OPCML: variants seen among roughly 807,000 people sequenced by gnomAD.
OPCML encodes the protein opioid binding protein/cell adhesion molecule like.
In OPCML, 13 loss-of-function variants were observed where a neutral mutation model predicts 37.8. That is an observed-to-expected ratio of 0.34 (90% CI 0.22 to 0.55). OPCML has a LOEUF of 0.55. Among genes scored for constraint, OPCML ranks in the 20% least tolerant of loss-of-function variants. The pLI is 0.91. For synonymous variants in OPCML, 176 were observed against 168.8 expected (o/e 1.04, Z -0.33); for missense variants, 341 against 435.6 (o/e 0.78, Z 1.93).
At chr11:133,414,955 G>A (rs1945728456) in intron 1 of OPCML, among the ~76,000 whole-genome samples, 1 of 152,224 alleles carries the variant, frequency 6.6e-6, no homozygotes. Context: ...GTGGTGCCCA[G>A]CACAGGGGAA....
Position 132,964,933 on chromosome 11 carries a change from T to C in OPCML, c.62-21923A>G, listed in dbSNP as rs1366957277. ...ACTGGTGGATTCAGACCTAGGTCAT[T>C]TACTTCAAATCTCTGCATTCCTTAT... On this transcript the variant is annotated intron_variant, in intron 1 of 7. Coordinates refer to ENST00000524381, the MANE Select transcript of OPCML (RefSeq NM_001012393.5). Among the ~76,000 whole-genome samples the C allele has an allele frequency of 2.6e-5, 4 of 152,212 alleles. No homozygotes were observed. The East Asian group carries it at 7.7e-4, about 29-fold the overall frequency.
At chr11:132,681,705 C>T (rs1035784499) in intron 2 of OPCML, among the ~76,000 whole-genome samples, 4 of 152,252 alleles carry the variant, frequency 2.6e-5, no homozygotes, top group Non-Finnish European at 5.9e-5. Flanking sequence ...CCTGTAATCC[C>T]AGCACTTTGG....
At chr11:132,981,549 C>T (rs1241205067) in intron 1 of OPCML, among the ~76,000 whole-genome samples, 3 of 152,058 alleles carry the variant, frequency 2.0e-5, no homozygotes, top group Non-Finnish European at 2.9e-5. Context: ...AACCACCGCA[C>T]GTTTATAAAC....
intron 1 of OPCML, among the ~76,000 whole-genome samples, chr11:133,244,461 G>A (rs1056208579): frequency 6.6e-6 from 1 of 152,058 alleles, no homozygotes; most frequent in Non-Finnish European, 1.5e-5. Context: ...GTGTGTTCCC[G>A]AACACACGGG....
intron 1 of OPCML, among the ~76,000 whole-genome samples, chr11:133,242,963 A>G (rs1940784461): frequency 6.6e-6 from 1 of 152,272 alleles, no homozygotes; most frequent in South Asian, 2.1e-4. Flanking sequence ...ATCAGGCAGT[A>G]CAATGAAAAC....
intron 2 of OPCML, among the ~76,000 whole-genome samples, chr11:132,855,755 GAGCCTCA>G (rs1426141601): frequency 6.6e-6 from 1 of 152,170 alleles, no homozygotes; most frequent in East Asian, 1.9e-4. Flanking sequence ...CAGGATTCCT[GAGCCTCA>G]GAAATTGTGA....
chr11:133,082,216 C>G (rs1483261777), intron 1 of OPCML, among the ~76,000 whole-genome samples: 1 of 151,708 alleles, frequency 6.6e-6, no homozygotes, highest in African/African-American at 2.4e-5. Context: ...CGCGTCCGCA[C>G]GACCCGGGGT....
rs192921711 is a variant in OPCML, at chr11:132,874,002, C to T, written c.146+68924G>A. ...AGTAGCTGAAGAAATAAATCGTTAC[C>T]CTGTCACACTGGATCAGGTGCCTGC... On this transcript the variant is annotated intron_variant, in intron 2 of 7. Transcript: ENST00000524381. Among the ~76,000 whole-genome samples, 78 of 152,180 alleles carry T rather than the reference C, an allele frequency of 5.1e-4. No homozygotes were observed. In the East Asian group the frequency reaches 0.015, roughly 28 times the overall value.
intron 2 of OPCML, among the ~76,000 whole-genome samples, chr11:132,737,344 A>G (rs1945292695): frequency 6.6e-6 from 1 of 152,208 alleles, no homozygotes; most frequent in Admixed American, 6.5e-5. Flanking sequence ...TTTTACAAAT[A>G]TAATAGCAGT....
At chr11:133,386,556 A>T (rs1171087010) in intron 1 of OPCML, among the ~76,000 whole-genome samples, 1 of 152,218 alleles carries the variant, frequency 6.6e-6, no homozygotes, top group African/African-American at 2.4e-5. Context: ...GAACAAAGAC[A>T]TGGGTCCCTC....
intron 2 of OPCML, among the ~76,000 whole-genome samples, chr11:132,750,883 G>A (rs1049201845): frequency 8.6e-5 from 13 of 151,698 alleles, no homozygotes; most frequent in African/African-American, 2.9e-4. Context: ...TTCCACCAAA[G>A]GCATTCCAGG....
At chr11:132,855,794 G>A (rs971166695) in intron 2 of OPCML, among the ~76,000 whole-genome samples, 24 of 152,164 alleles carry the variant, frequency 1.6e-4, no homozygotes, top group African/African-American at 5.8e-4. Flanking sequence ...GCTTTATGCT[G>A]TTGTGTTTAG....
chr11:133,494,022 A>T (rs1287560975), intron 1 of OPCML, among the ~76,000 whole-genome samples: 2 of 152,134 alleles, frequency 1.3e-5, no homozygotes, highest in Non-Finnish European at 2.9e-5. Flanking sequence ...CAAAAAAAAA[A>T]AACACACAAC....
At chr11:132,845,056 T>C (rs918251320) in intron 2 of OPCML, among the ~76,000 whole-genome samples, 16 of 151,674 alleles carry the variant, frequency 1.1e-4, no homozygotes, top group African/African-American at 3.9e-4. Flanking sequence ...AATACACACC[T>C]CTTTAATTCC....
At chr11:132,973,189 A>G (rs1946380819) in intron 1 of OPCML, among the ~76,000 whole-genome samples, 1 of 152,164 alleles carries the variant, frequency 6.6e-6, no homozygotes, top group East Asian at 1.9e-4. Context: ...AGATTTTAAG[A>G]CAAATGTCCT....
intron 2 of OPCML, among the ~76,000 whole-genome samples, chr11:132,870,320 C>T (rs1942746894): frequency 6.6e-6 from 1 of 152,126 alleles, no homozygotes; most frequent in Non-Finnish European, 1.5e-5. Flanking sequence ...AAATTATTTA[C>T]TCACATGTCA....
chr11:133,077,508 GCTTGT>G (rs1251564022), intron 1 of OPCML, among the ~76,000 whole-genome samples: 1 of 152,198 alleles, frequency 6.6e-6, no homozygotes, highest in Non-Finnish European at 1.5e-5. Flanking sequence ...AAATGTCAGA[GCTTGT>G]CTTTGTGAAC....
At chr11:133,443,032 A>G (rs1052804262) in intron 1 of OPCML, among the ~76,000 whole-genome samples, 1 of 152,210 alleles carries the variant, frequency 6.6e-6, no homozygotes, top group Non-Finnish European at 1.5e-5. Context: ...GAAAACAATA[A>G]TAATAAAAGA....
chr11:133,456,913 C>T (rs1481401755), intron 1 of OPCML, among the ~76,000 whole-genome samples: 1 of 151,750 alleles, frequency 6.6e-6, no homozygotes, highest in Non-Finnish European at 1.5e-5. Flanking sequence ...TATCAGAGTC[C>T]CAGGAGGAGG....
Sources: gnomAD v4.1 joint callset for allele counts (sites outside exome capture counted in the v4.1 genomes callset) on GRCh38, gnomAD v4.1.1 for gene constraint, MANE v1.5 for transcripts, NCBI Gene and HGNC (gene_info 2026-07-23, HGNC 2026-07-21) for gene names.